IK: variants seen among roughly 807,000 people sequenced by gnomAD.
IK encodes the protein protein Red.
In IK, 47 loss-of-function variants were observed where a neutral mutation model predicts 90.9. That is an observed-to-expected ratio of 0.52 (90% CI 0.41 to 0.66). The LOEUF is 0.66. Ranked by LOEUF, IK falls within the 30% of genes least tolerant of loss-of-function variation. The probability of loss-of-function intolerance (pLI) is 0.00; values close to 1 mark genes in which losing one functional copy is unlikely to be tolerated. For synonymous variants in IK, 201 were observed against 227.5 expected, an observed-to-expected ratio of 0.88 and a Z score of 1.05; for missense variants, 385 against 709.3, an observed-to-expected ratio of 0.54 and a Z score of 5.19.
At chr5:140,658,256 G>A (rs1456428164) in intron 10 of IK, among the ~76,000 whole-genome samples, 2 of 151,948 alleles carry the variant, frequency 1.3e-5, no homozygotes, top group South Asian at 4.2e-4. Context: ...TGCCCACCTC[G>A]GCCTCCCAAA....
intron 1 of IK, 121 bp from the exon 2 acceptor site, chr5:140,648,350 T>C (rs73271540): frequency 0.013 from 11,932 of 883,976 alleles, 377 homozygotes; most frequent in African/African-American, 0.11. Flanking sequence ...CTTATTACAT[T>C]GTGTTGACAC....
intron 2 of IK, 25 bp downstream of exon 2, chr5:140,648,562 G>A (rs1305420649): frequency 6.2e-7 from 1 of 1,604,852 alleles, no homozygotes; most frequent in African/African-American, 1.3e-5. Flanking sequence ...CTAGGACCAT[G>A]GAAATGAGTT....
Position 140,648,522 on chromosome 5 carries a change from C to T in IK, c.68C>T (p.Pro23Leu). 6.2e-7 allele frequency: 1 copy of T among 1,613,888 alleles called. No homozygotes were observed. Residue 23 changes from proline (P) to leucine (L), a missense_variant, in exon 2 of 20, where the codon CCT becomes CTT. By Grantham distance (98) the Pro-to-Leu change is moderately conservative (BLOSUM62 -3). Coordinates refer to ENST00000417647, the MANE Select transcript of IK (RefSeq NM_006083.4). ...LAPDGHDVDD[P>L]HSFHQSKLTN... ...CCCGATGGCCACGATGTGGATGATC[C>T]TCACTCCTTCCACCAGTGAGTATTT...
Position 140,655,847 on chromosome 5 carries a change from T to C in IK, c.656T>C (p.Met219Thr). 1 of 1,610,904 alleles carries C rather than the reference T, an allele frequency of 6.2e-7. No homozygotes were observed. The change falls in exon 9 of 20, where the codon ATG becomes ACG. Residue 219 changes from methionine (M) to threonine (T), a missense_variant. By Grantham distance (81) the Met-to-Thr change is moderately conservative. Transcript: ENST00000417647. The stretch of plus-strand genomic sequence containing the variant: ...ATTGTAGGCCGCAATGTTTACCGAA[T>C]GCTTTTTAAGAGCAAAGCATATGAG... ...KTRLGRNVYR[M>T]LFKSKAYERN...
At chr5:140,659,546 G>A (rs973793702) in intron 13 of IK, among the ~76,000 whole-genome samples, 1 of 152,198 alleles carries the variant, frequency 6.6e-6, no homozygotes, top group African/African-American at 2.4e-5. Context: ...GTGGCCCTGG[G>A]GTTCTGAGGA....
intron 1 of IK, 143 bp from the exon 2 acceptor site, chr5:140,648,328 C>T: frequency 1.3e-6 from 1 of 795,068 alleles, no homozygotes; most frequent in South Asian, 1.4e-5. Flanking sequence ...CTTGTAGTTT[C>T]CTATTTCAGC....
chr5:140,652,952 T>C (rs771801997), intron 4 of IK, 25 bp from the exon 5 acceptor site: 21 of 1,611,210 alleles, frequency 1.3e-5, no homozygotes, highest in Middle Eastern at 4.2e-4. Flanking sequence ...ATGAGCCTTA[T>C]ACATTTGCCT....
intron 2 of IK, chr5:140,648,764 T>C (rs1757549955): frequency 1.8e-6 from 1 of 541,214 alleles, no homozygotes; most frequent in Non-Finnish European, 3.3e-6. Context: ...TTTATACGTG[T>C]TGTGTAATTA....
rs1468545422 is a variant in IK, at chr5:140,652,537, A to G, written c.236+390A>G. ...TGACGGCCATCATCATTATTATATC[A>G]TCATCGTTATTTATATGATACGAAA... On this transcript the variant is annotated intron_variant, in intron 4 of 19. Transcript: ENST00000417647. 3.9e-5 allele frequency among the ~76,000 whole-genome samples: 6 copies of G among 152,300 alleles called. No individual in the cohort carries two copies. The East Asian group carries it at 1.2e-3, about 29-fold the overall frequency.
chr5:140,652,801 T>G (rs184265261), intron 4 of IK, among the ~76,000 whole-genome samples, 176 bp from the exon 5 acceptor site: 1 of 152,312 alleles, frequency 6.6e-6, no homozygotes. Context: ...CTGGAAGAAG[T>G]TGTAGTTCTG....
chr5:140,653,863 A>G (rs1757660220), intron 5 of IK, 75 bp from the exon 6 acceptor site: 2 of 880,454 alleles, frequency 2.3e-6, no homozygotes, highest in Non-Finnish European at 3.7e-6. Context: ...TTGACCTCCC[A>G]GAGTACTGGG....
Position 140,659,811 on chromosome 5 carries a change from T to G in IK, c.1251T>G (p.Ser417=), listed in dbSNP as rs373042255. The G allele has an allele frequency of 6.3e-7, 1 of 1,599,636 alleles. No individual in the cohort carries two copies. The highest frequency in any genetic ancestry group is 1.3e-5 in the African/African-American group (1 of 74,872). The part of the protein sequence containing the change: ...IKSINEKFAG[S]AGWEGTESLK... The stretch of plus-strand genomic sequence containing the variant: ...CCATCAATGAAAAGTTTGCTGGGTC[T>G]GCTGGCTGGGAAGGCACAGAATCAT... The change falls in exon 14 of 20, where the codon TCT becomes TCG. Residue 417 remains serine, a synonymous_variant. Transcript: ENST00000417647.
rs753551813 is a variant in IK at position 140,655,828 on chromosome 5, G to A, written c.638-1G>A. On this transcript the variant is annotated splice_acceptor_variant, in intron 8 of 19. Coordinates refer to ENST00000417647, the MANE Select transcript of IK (RefSeq NM_006083.4). LOFTEE classifies it high-confidence loss of function. ...ACTTGCTGCTCTTCTCCTTATTGTA[G>A]GCCGCAATGTTTACCGAATGCTTTT... The A allele has an allele frequency of 4.3e-6, 7 of 1,609,834 alleles. No homozygotes were observed. The highest frequency in any genetic ancestry group is 5.1e-6 in the Non-Finnish European group (6 of 1,178,136).
intron 3 of IK, 65 bp downstream of exon 3, chr5:140,651,871 C>T: frequency 9.2e-7 from 1 of 1,090,204 alleles, no homozygotes. Context: ...TTTCTTTCTA[C>T]TAAGTAGAAT....
chr5:140,661,109 A>T lies in IK; in HGVS notation c.1413+294A>T. ...GCATCAATGCATAAGTAGAAAGGGC[A>T]GAAAAAATTGCAGTCTTTGGAAAAT... On this transcript the variant is annotated intron_variant, in intron 16 of 19. Coordinates refer to ENST00000417647, the MANE Select transcript of IK (RefSeq NM_006083.4). The surrounding 1 kb of genome is among the most constrained non-coding windows in gnomAD (Gnocchi z 4.2). The T allele has an allele frequency of 2.7e-6, 1 of 370,954 alleles. No homozygotes were observed. The highest frequency in any genetic ancestry group is 4.8e-6 in the Non-Finnish European group (1 of 208,470). The allele number at this position is 370,954 out of a possible 1,614,324, so 23.0% of individuals were successfully genotyped here.
chr5:140,656,061 C>A, intron 9 of IK, 69 bp downstream of exon 9: 1 of 1,448,024 alleles, frequency 6.9e-7, no homozygotes, highest in Non-Finnish European at 9.4e-7. Flanking sequence ...GGCCTCTGCC[C>A]CGTGTCCCTT....
intron 2 of IK, among the ~76,000 whole-genome samples, chr5:140,650,926 C>T (rs1757604227): frequency 1.3e-5 from 2 of 152,118 alleles, no homozygotes; most frequent in South Asian, 2.1e-4. Flanking sequence ...TACAGGCCTT[C>T]TTATATACAT....
chr5:140,662,350 TGCTCCACA>T lies in IK; in HGVS notation c.*22_*29del. The T allele has an allele frequency of 6.2e-7, 1 of 1,612,922 alleles. No homozygotes were observed. The highest frequency in any genetic ancestry group is 2.2e-5 in the East Asian group (1 of 44,888). On this transcript the variant is annotated 3_prime_UTR_variant, in exon 20 of 20. Transcript: ENST00000417647. ...ACTAATCACTAGTTACAACCAGAGA[TGCTCCACA>T]AGGATATGCTCCCCACTGTTTTCTT...
chr5:140,648,481 C>T lies in IK; in HGVS notation c.27C>T (p.Phe9=), dbSNP rs535506489. Residue 9 remains phenylalanine, a synonymous_variant, in exon 2 of 20, where the codon TTC becomes TTT. Coordinates refer to ENST00000417647, the MANE Select transcript of IK (RefSeq NM_006083.4). MPERDSEP[F]SNPLAPDGHD... Reference sequence around the variant, plus strand: ...AATTTTTTTTGTCAGGTGAGCCGTTCTCCAACCCTTTGGCCCCCGATGGCC... The same window carrying T: ...AATTTTTTTTGTCAGGTGAGCCGTTTTCCAACCCTTTGGCCCCCGATGGCC... 554 of 1,614,000 alleles carry T rather than the reference C, an allele frequency of 3.4e-4. 2 individuals carry two copies. In the South Asian group the frequency reaches 5.8e-3, roughly 17 times the overall value.
Sources: allele counts gnomAD v4.1 joint callset (sites outside exome capture counted in the v4.1 genomes callset), GRCh38; gene constraint gnomAD v4.1.1; non-coding constraint Gnocchi (gnomAD v3.1); transcripts MANE v1.5; gene names NCBI Gene and HGNC (gene_info 2026-07-23, HGNC 2026-07-21).